Variants in LINGO2 observed in about 807,000 individuals in gnomAD.
The protein encoded by LINGO2 is leucine-rich repeat and immunoglobulin-like domain-containing nogo receptor-interacting protein 2.
LINGO2 carries 14 observed loss-of-function variants against 30.6 expected under a neutral mutation model. The ratio of observed to expected loss-of-function variants is 0.46; its 90% CI spans 0.30 to 0.72. The LOEUF (loss-of-function observed/expected upper bound fraction) is 0.72, where lower values mean the gene tolerates loss of function less well. Ranked by LOEUF, LINGO2 falls within the 30% of genes least tolerant of loss-of-function variation. LINGO2 has a pLI of 0.07. For missense variants in LINGO2, 729 were observed against 751.7 expected (o/e 0.97, Z 0.35); for synonymous variants, 317 against 288.5 (o/e 1.10, Z -1.00).
At chr9:28,933,389 G>A in the LINGO2 span, among the ~76,000 whole-genome samples, 24 of 152,056 alleles carry the variant, frequency 1.6e-4, no homozygotes, top group East Asian at 5.8e-4. Context: ...CTCCTTGTCC[G>A]CCAATCGCAT....
At chr9:29,177,252 C>T in the LINGO2 span, among the ~76,000 whole-genome samples, 2 of 152,078 alleles carry the variant, frequency 1.3e-5, no homozygotes, top group African/African-American at 2.4e-5. Flanking sequence ...TTCTAGATTA[C>T]AAAAAATTTT....
chr9:28,568,934 T>A (rs114691866), intron 1 of LINGO2, among the ~76,000 whole-genome samples: 2,684 of 152,092 alleles, frequency 0.018, 88 homozygotes, highest in African/African-American at 0.059. Flanking sequence ...TGGTATATAT[T>A]AAAATTCAGA....
chr9:28,045,114 CCATCCTTATGATCCCA>C (rs1376271659), intron 4 of LINGO2, among the ~76,000 whole-genome samples: 7 of 151,970 alleles, frequency 4.6e-5, no homozygotes, highest in African/African-American at 1.7e-4. Flanking sequence ...TTTTTCCCCC[CCATCCTTATGATCCCA>C]CATAAGCCAT....
At chr9:28,373,721 G>A (rs376537672) in intron 2 of LINGO2, among the ~76,000 whole-genome samples, 2 of 151,974 alleles carry the variant, frequency 1.3e-5, no homozygotes, top group Non-Finnish European at 2.9e-5. Context: ...CCAACATGGC[G>A]AAACCCCATC....
At chr9:28,749,726 T>C in the LINGO2 span, among the ~76,000 whole-genome samples, 62 of 152,160 alleles carry the variant, frequency 4.1e-4, no homozygotes, top group Non-Finnish European at 6.2e-4. Context: ...TGCAAAGTAC[T>C]CACAAAAGTT....
intron 4 of LINGO2, among the ~76,000 whole-genome samples, chr9:28,089,966 G>T (rs1322842092): frequency 4.6e-5 from 7 of 152,246 alleles, no homozygotes; most frequent in Non-Finnish European, 1.0e-4. Flanking sequence ...AAATCTACAA[G>T]AAATGGATAA....
At chr9:28,044,449 C>G (rs1328904220) in intron 4 of LINGO2, among the ~76,000 whole-genome samples, 2 of 152,110 alleles carry the variant, frequency 1.3e-5, no homozygotes, top group East Asian at 3.9e-4. Flanking sequence ...AGCTGTAAGT[C>G]TCAAAACAGA....
intron 4 of LINGO2, among the ~76,000 whole-genome samples, chr9:28,119,444 G>C (rs1172583584): frequency 1.3e-5 from 2 of 152,132 alleles, no homozygotes; most frequent in Non-Finnish European, 2.9e-5. Context: ...ATATATACTT[G>C]GGCAGGTTAA....
chr9:28,766,333 G>A, the LINGO2 span, among the ~76,000 whole-genome samples: 3 of 151,490 alleles, frequency 2.0e-5, no homozygotes, highest in Non-Finnish European at 4.4e-5. Flanking sequence ...TGGCTAACAA[G>A]TATATGAAAA....
the LINGO2 span, among the ~76,000 whole-genome samples, chr9:28,975,680 T>A: frequency 6.6e-6 from 1 of 152,284 alleles, no homozygotes; most frequent in Admixed American, 6.5e-5. Context: ...TAATACCTTT[T>A]CATCAACGTA....
At chr9:28,725,936 G>T in the LINGO2 span, among the ~76,000 whole-genome samples, 11 of 152,024 alleles carry the variant, frequency 7.2e-5, no homozygotes, top group African/African-American at 2.4e-4. Flanking sequence ...TTGGATTTTT[G>T]TTTGTTGTTT....
chr9:29,042,736 A>G, the LINGO2 span, among the ~76,000 whole-genome samples: 2 of 151,976 alleles, frequency 1.3e-5, no homozygotes, highest in African/African-American at 4.8e-5. Flanking sequence ...AACTTAATTA[A>G]CATATTTGTT....
intron 4 of LINGO2, among the ~76,000 whole-genome samples, chr9:28,211,513 C>A (rs113686192): frequency 4.0e-5 from 6 of 151,312 alleles, no homozygotes; most frequent in African/African-American, 1.5e-4. Flanking sequence ...CTCTCTCTAC[C>A]ACAATTCTAA....
intron 1 of LINGO2, among the ~76,000 whole-genome samples, chr9:28,592,234 A>G (rs1367961151): frequency 2.0e-5 from 3 of 152,124 alleles, no homozygotes; most frequent in Non-Finnish European, 4.4e-5. Flanking sequence ...AAAAGGTACT[A>G]TGTATTTAAT....
chr9:29,001,576 G>A, the LINGO2 span, among the ~76,000 whole-genome samples: 2 of 151,960 alleles, frequency 1.3e-5, no homozygotes, highest in Admixed American at 6.6e-5. Context: ...CCAAGCAAGA[G>A]CAAAGACAGT....
intron 1 of LINGO2, among the ~76,000 whole-genome samples, chr9:28,642,516 G>C (rs578164356): frequency 2.6e-5 from 4 of 152,202 alleles, no homozygotes; most frequent in African/African-American, 9.6e-5. Flanking sequence ...TGGGGCAAGA[G>C]TTATTTAGAT....
At chr9:28,362,406 A>T (rs1333941699) in intron 3 of LINGO2, among the ~76,000 whole-genome samples, 1 of 152,182 alleles carries the variant, frequency 6.6e-6, no homozygotes, top group Non-Finnish European at 1.5e-5. Flanking sequence ...ACAAAGATTG[A>T]GTAACAGAAG....
intron 3 of LINGO2, among the ~76,000 whole-genome samples, chr9:28,302,135 C>T (rs78218769): frequency 0.016 from 2,429 of 152,240 alleles, 17 homozygotes; most frequent in Non-Finnish European, 0.025. Flanking sequence ...AGTAAATACA[C>T]AGACCAGTGT....
the LINGO2 span, among the ~76,000 whole-genome samples, chr9:28,907,140 G>A: frequency 9.2e-3 from 1,401 of 151,922 alleles, 24 homozygotes; most frequent in East Asian, 0.021. Flanking sequence ...TCTATGATCT[G>A]TATATCATGG....
Sources: allele counts gnomAD v4.1 joint callset (sites outside exome capture counted in the v4.1 genomes callset), GRCh38; gene constraint gnomAD v4.1.1; transcripts MANE v1.5; gene names NCBI Gene and HGNC (gene_info 2026-07-23, HGNC 2026-07-21).